PTK2: variants seen among roughly 807,000 people sequenced by gnomAD.
PTK2 encodes the protein protein tyrosine kinase 2, also known as focal adhesion kinase 1.
A neutral mutation model predicts 150.1 loss-of-function variants in PTK2; 45 were observed. That is an observed-to-expected ratio of 0.30 (90% CI 0.24 to 0.38). The LOEUF (loss-of-function observed/expected upper bound fraction) is 0.38, where lower values mean the gene tolerates loss of function less well. Ranked by LOEUF, PTK2 falls within the 10% of genes least tolerant of loss-of-function variation. PTK2 has a pLI of 1.00. For synonymous variants in PTK2, 432 were observed against 449.2 expected (o/e 0.96, Z 0.48); for missense variants, 919 against 1,307.3 (o/e 0.70, Z 4.58).
intron 29 of PTK2, 41 bp from the exon 34 acceptor site, chr8:140,668,465 G>A: frequency 6.4e-7 from 1 of 1,568,308 alleles, no homozygotes; most frequent in Non-Finnish European, 8.6e-7. Context: ...CTCTCCAGCA[G>A]ATGGCGTGAG....
intron 14 of PTK2, among the ~76,000 whole-genome samples, chr8:140,778,877 T>A (rs955171855): frequency 1.8e-4 from 27 of 152,052 alleles, no homozygotes; most frequent in African/African-American, 6.5e-4. Context: ...TTTCTTAAAA[T>A]TGAAATTATA....
chr8:140,826,657 C>T (rs1007880628), intron 8 of PTK2, among the ~76,000 whole-genome samples: 29 of 152,036 alleles, frequency 1.9e-4, no homozygotes, highest in African/African-American at 6.8e-4. Context: ...GGTTCACATC[C>T]GTAATCCCAG....
chr8:140,679,973 T>C (rs146890764), intron 27 of PTK2, among the ~76,000 whole-genome samples: 1 of 152,226 alleles, frequency 6.6e-6, no homozygotes, highest in African/African-American at 2.4e-5. Context: ...AGGAAGGCAG[T>C]GAAGTCTGTT....
chr8:140,754,116 G>GT (rs2100064287), intron 16 of PTK2, among the ~76,000 whole-genome samples: 1 of 152,198 alleles, frequency 6.6e-6, no homozygotes, highest in Non-Finnish European at 1.5e-5. Flanking sequence ...TAAGAGAACT[G>GT]TATCATCGAC....
At chr8:140,976,614 T>A (rs1212209177) in intron 1 of PTK2, among the ~76,000 whole-genome samples, 1 of 152,254 alleles carries the variant, frequency 6.6e-6, no homozygotes, top group African/African-American at 2.4e-5. Context: ...CAGTCACTTG[T>A]CTTTAAGCTT....
At chr8:140,750,691 G>A (rs952702559) in intron 17 of PTK2, among the ~76,000 whole-genome samples, 1 of 152,186 alleles carries the variant, frequency 6.6e-6, no homozygotes, top group Non-Finnish European at 1.5e-5. Flanking sequence ...CTCTTTAAGA[G>A]CTTACATTTG....
intron 26 of PTK2, among the ~76,000 whole-genome samples, chr8:140,695,587 T>A (rs2100026053): frequency 1.3e-5 from 2 of 152,056 alleles, no homozygotes; most frequent in Admixed American, 6.6e-5. Context: ...ATTTTTGTAT[T>A]TTTAGTAGAG....
intron 21 of PTK2, 115 bp downstream of exon 24, chr8:140,738,903 A>G (rs2100054084): frequency 5.6e-6 from 3 of 537,024 alleles, no homozygotes; most frequent in Non-Finnish European, 9.1e-6. Flanking sequence ...TGATGAGGAG[A>G]TGATCAGGTT....
intron 1 of PTK2, among the ~76,000 whole-genome samples, chr8:140,975,103 TC>T (rs2100188794): frequency 6.6e-6 from 1 of 152,170 alleles, no homozygotes; most frequent in Non-Finnish European, 1.5e-5. Flanking sequence ...GAACATACAG[TC>T]TATTATTAAA....
At chr8:140,976,445 C>A (rs1222764165) in intron 1 of PTK2, among the ~76,000 whole-genome samples, 2 of 152,214 alleles carry the variant, frequency 1.3e-5, no homozygotes, top group Non-Finnish European at 2.9e-5. Flanking sequence ...AGAATAACCA[C>A]AAGCTAAAAA....
At chr8:140,674,212 C>T in intron 29 of PTK2, 86 bp downstream of exon 32, 1 of 1,326,794 alleles carries the variant, frequency 7.5e-7, no homozygotes, top group Non-Finnish European at 1.1e-6. Flanking sequence ...ACCAACTCCA[C>T]TCTATGACAT....
rs1358100430 is a variant in PTK2 at position 140,743,846 on chromosome 8, C to T, written c.1635-516G>A. Among the ~76,000 whole-genome samples, 4 of 150,756 alleles carry T rather than the reference C, an allele frequency of 2.7e-5. No homozygotes were observed. In the East Asian group the frequency reaches 5.9e-4, roughly 22 times the overall value. ...AGGCTGGAGGGCAGTGGCACGATCT[C>T]GGCTTACTGCAAGCTCCGCCTCCTG... On this transcript the variant is annotated intron_variant, in intron 19 of 31. Coordinates refer to ENST00000522684, the Ensembl canonical transcript of PTK2.
intron 30 of PTK2, among the ~76,000 whole-genome samples, chr8:140,667,386 T>A (rs990253295): frequency 6.6e-6 from 1 of 152,144 alleles, no homozygotes; most frequent in Non-Finnish European, 1.5e-5. Context: ...GCAACCAACA[T>A]GCCAGTCTGT....
chr8:140,845,905 A>C (rs9969575), intron 7 of PTK2, among the ~76,000 whole-genome samples: 8,551 of 152,240 alleles, frequency 0.056, 783 homozygotes, highest in African/African-American at 0.19. Flanking sequence ...CCGTATCTCT[A>C]TTTGTGCAAA....
chr8:140,847,850 G>T (rs2100126574), intron 5 of PTK2, among the ~76,000 whole-genome samples: 1 of 152,098 alleles, frequency 6.6e-6, no homozygotes, highest in South Asian at 2.1e-4. Context: ...TTTGTTCAAA[G>T]AGTCCCACCC....
At chr8:140,830,450 T>C in intron 8 of PTK2, 22 bp downstream of exon 8, 1 of 1,469,522 alleles carries the variant, frequency 6.8e-7, no homozygotes, top group Non-Finnish European at 9.2e-7. Context: ...TATTTTATTA[T>C]GATAAAGGAG....
At chr8:140,845,567 A>ACTTC (rs2100124888) in intron 7 of PTK2, among the ~76,000 whole-genome samples, 1 of 152,210 alleles carries the variant, frequency 6.6e-6, no homozygotes, top group African/African-American at 2.4e-5. Flanking sequence ...CCCAGCTGAT[A>ACTTC]CTTCCACTTT....
At chr8:140,948,562 A>C (rs1378851009) in intron 1 of PTK2, 1 of 149,478 alleles carries the variant, frequency 6.7e-6, no homozygotes, top group Non-Finnish European at 1.5e-5. Flanking sequence ...ATGCAGGAAG[A>C]GATATGGGGA....
chr8:140,798,293 T>C (rs1236359153), intron 12 of PTK2, among the ~76,000 whole-genome samples: 1 of 152,218 alleles, frequency 6.6e-6, no homozygotes, highest in Admixed American at 6.5e-5. Context: ...TGTTTGACTT[T>C]AATATTATTT....
Sources: gnomAD v4.1 joint callset for allele counts (sites outside exome capture counted in the v4.1 genomes callset) on GRCh38, gnomAD v4.1.1 for gene constraint, MANE v1.5 for transcripts, NCBI Gene and HGNC (gene_info 2026-07-23, HGNC 2026-07-21) for gene names.